Variants in ALDH9A1 observed in about 807,000 individuals in gnomAD.
The protein encoded by ALDH9A1 is aldehyde dehydrogenase 9 family member A1, also known as 4-trimethylaminobutyraldehyde dehydrogenase.
A neutral mutation model predicts 56.6 loss-of-function variants in ALDH9A1; 42 were observed. The ratio of observed to expected loss-of-function variants is 0.74; its 90% CI spans 0.58 to 0.96. The LOEUF is 0.96. Ranked by LOEUF, ALDH9A1 falls within the 40% of genes least tolerant of loss-of-function variation. The pLI is 0.00. For missense variants in ALDH9A1, 661 were observed against 651.5 expected (o/e 1.01, Z -0.16); for synonymous variants, 242 against 236.0 (o/e 1.03, Z -0.23).
chr1:165,666,736 G>A (rs1340926045), intron 9 of ALDH9A1, among the ~76,000 whole-genome samples: 3 of 152,158 alleles, frequency 2.0e-5, no homozygotes, highest in Non-Finnish European at 4.4e-5. Context: ...CACTGCCAAA[G>A]ACTAATCAAA....
chr1:165,695,171 G>T, intron 2 of ALDH9A1, 81 bp downstream of exon 2: 1 of 1,432,510 alleles, frequency 7.0e-7, no homozygotes, highest in Non-Finnish European at 9.3e-7. Flanking sequence ...GCCTAATGTT[G>T]CAACAAAGTC....
chr1:165,695,403 A>C lies in ALDH9A1; in HGVS notation c.182-6T>G, dbSNP rs1355315463. On this transcript the variant is annotated splice_polypyrimidine_tract_variant and splice_region_variant and intron_variant, in intron 1 of 10. Transcript: ENST00000354775. ...GAAAGTAGCTATCACTCGGCCTATA[A>C]AGAGCGGAAACATCAGTTTTAACTC... 5.0e-6 allele frequency: 8 copies of C among 1,591,124 alleles called. No individual in the cohort carries two copies. In the Middle Eastern group the frequency reaches 5.0e-4, roughly 100 times the overall value.
At chr1:165,694,716 T>C (rs1390700482) in intron 2 of ALDH9A1, among the ~76,000 whole-genome samples, 1 of 152,080 alleles carries the variant, frequency 6.6e-6, no homozygotes, top group African/African-American at 2.4e-5. Context: ...CAGCATTTTG[T>C]GAGGCCGATG....
At chr1:165,663,417 G>C in intron 10 of ALDH9A1, among the ~76,000 whole-genome samples, 1 of 152,180 alleles carries the variant, frequency 6.6e-6, no homozygotes, top group East Asian at 1.9e-4. Flanking sequence ...ATTCTGGGTT[G>C]AGGTCTGAAA....
chr1:165,670,440 T>TA (rs1260794576), intron 6 of ALDH9A1, among the ~76,000 whole-genome samples: 8 of 129,364 alleles, frequency 6.2e-5, no homozygotes, highest in East Asian at 2.1e-4. Context: ...TTTTTTTTTT[T>TA]AAAAAAAGAG....
intron 7 of ALDH9A1, 100 bp downstream of exon 7, chr1:165,669,162 T>C (rs2101736296): frequency 1.5e-6 from 2 of 1,365,482 alleles, no homozygotes; most frequent in East Asian, 4.6e-5. Context: ...GTCCAATGAA[T>C]AATAGTCATA....
At position 165,666,821 on chromosome 1, in the gene ALDH9A1, T is replaced by C. The variant is rs376776562; in HGVS notation, c.1349+488A>G. ...CCCAAATCATTTTTACTTGTAATAG[T>C]AAAGTTTATGCACAAAGATATTAAT... On this transcript the variant is annotated intron_variant, in intron 9 of 10. Transcript: ENST00000354775. Among the ~76,000 whole-genome samples, 14 of 152,316 alleles carry C rather than the reference T, an allele frequency of 9.2e-5. No individual in the cohort carries two copies. The South Asian group carries it at 2.9e-3, about 32-fold the overall frequency.
chr1:165,692,866 G>C (rs1649940360), intron 2 of ALDH9A1, among the ~76,000 whole-genome samples: 1 of 152,056 alleles, frequency 6.6e-6, no homozygotes, highest in Middle Eastern at 3.2e-3. Flanking sequence ...CCAAAACAGA[G>C]ATATAGAACA....
In ALDH9A1 at chr1:165,663,030, A is replaced by T; in HGVS notation, c.*20T>A. 1 of 1,607,262 alleles carries T rather than the reference A, an allele frequency of 6.2e-7. No homozygotes were observed. Among genetic ancestry groups the T allele is most frequent in the Non-Finnish European group, 8.5e-7 (1 of 1,173,756 alleles). On this transcript the variant is annotated 3_prime_UTR_variant, in exon 11 of 11. Transcript: ENST00000354775. ...ATCATTCCACAGCGTGGCCATGTCA[A>T]TAGGTTTCACTGCAGGTTTTCAAAA...
chr1:165,680,531 C>T lies in ALDH9A1; in HGVS notation c.745G>A (p.Val249Met). 6.2e-7 allele frequency: 1 copy of T among 1,614,204 alleles called. No individual in the cohort carries two copies. The highest frequency in any genetic ancestry group is 8.5e-7 in the Non-Finnish European group (1 of 1,180,034). ...CTTCCAGTGAAGGAGACTTTGGCCA[C>T]ATCGGGATGCTGACACAGAAACTGG... ...TGQFLCQHPD[V>M]AKVSFTGSVP... Residue 249 changes from valine to methionine, a missense_variant, in exon 5 of 11, where the codon GTG becomes ATG. Transcript: ENST00000354775.
chr1:165,670,260 C>T (rs1649134274), intron 6 of ALDH9A1, among the ~76,000 whole-genome samples: 1 of 151,908 alleles, frequency 6.6e-6, no homozygotes, highest in Non-Finnish European at 1.5e-5. Context: ...TGATGAAACC[C>T]CATCTCTACA....
At chr1:165,685,619 G>C (rs1649684415) in intron 2 of ALDH9A1, among the ~76,000 whole-genome samples, 2 of 152,202 alleles carry the variant, frequency 1.3e-5, no homozygotes, top group South Asian at 4.1e-4. Flanking sequence ...CATGAGGTGT[G>C]ACAGTATACA....
At chr1:165,681,017 C>T (rs777473687) in intron 4 of ALDH9A1, among the ~76,000 whole-genome samples, 2 of 152,122 alleles carry the variant, frequency 1.3e-5, no homozygotes, top group Non-Finnish European at 2.9e-5. Flanking sequence ...CTGATAAACC[C>T]ATCAGATCTC....
intron 10 of ALDH9A1, among the ~76,000 whole-genome samples, chr1:165,664,590 CAA>C (rs1485012662): frequency 6.6e-6 from 1 of 152,110 alleles, no homozygotes; most frequent in Non-Finnish European, 1.5e-5. Flanking sequence ...ACAGAGGAAA[CAA>C]AGTTACTGAG....
chr1:165,679,918 C>G (rs1053676324), intron 5 of ALDH9A1, among the ~76,000 whole-genome samples: 1 of 152,104 alleles, frequency 6.6e-6, no homozygotes, highest in Admixed American at 6.6e-5. Flanking sequence ...GAGGCTGAAG[C>G]AGGAGGACTG....
At chr1:165,682,767 ATC>A (rs2101748975) in intron 3 of ALDH9A1, 1 of 523,238 alleles carries the variant, frequency 1.9e-6, no homozygotes, top group East Asian at 3.1e-5. Flanking sequence ...TACATGCACT[ATC>A]TCATTTAATC....
At chr1:165,690,747 G>T (rs913872562) in intron 2 of ALDH9A1, among the ~76,000 whole-genome samples, 1 of 152,214 alleles carries the variant, frequency 6.6e-6, no homozygotes, top group Non-Finnish European at 1.5e-5. Context: ...CACCCATGGA[G>T]CTTTGCTCAC....
chr1:165,695,694 CACCATGTTG>C (rs775652380), intron 1 of ALDH9A1, among the ~76,000 whole-genome samples: 28 of 151,892 alleles, frequency 1.8e-4, no homozygotes, highest in Admixed American at 3.9e-4. Flanking sequence ...GACCGGGTTT[CACCATGTTG>C]ACCAGGATGG....
intron 9 of ALDH9A1, 86 bp downstream of exon 9, chr1:165,667,223 G>A (rs1649034633): frequency 6.5e-7 from 1 of 1,533,224 alleles, no homozygotes; most frequent in African/African-American, 1.4e-5. Context: ...GCAAACTAAA[G>A]TGAGAGAATA....
Sources: gnomAD v4.1 joint callset for allele counts (sites outside exome capture counted in the v4.1 genomes callset) on GRCh38, gnomAD v4.1.1 for gene constraint, MANE v1.5 for transcripts, NCBI Gene and HGNC (gene_info 2026-07-23, HGNC 2026-07-21) for gene names.